Variants in DYRK1A observed in about 807,000 individuals in gnomAD.
The protein encoded by DYRK1A is dual specificity tyrosine phosphorylation regulated kinase 1A.
Under a neutral mutation model 79.7 loss-of-function variants are expected in DYRK1A, and 9 were observed. That is an observed-to-expected ratio of 0.11 (90% CI 0.07 to 0.20). The LOEUF is 0.20. DYRK1A is among the 10% of genes least tolerant of loss of function. DYRK1A has a pLI of 1.00. For missense variants in DYRK1A, 622 were observed against 956.0 expected, an observed-to-expected ratio of 0.65 and a Z score of 4.61; for synonymous variants, 349 against 329.7, an observed-to-expected ratio of 1.06 and a Z score of -0.63.
At chr21:37,506,398 C>T (rs1265027898) in intron 11 of DYRK1A, 175 bp downstream of exon 11, 2 of 1,517,608 alleles carry the variant, frequency 1.3e-6, no homozygotes, top group African/African-American at 1.4e-5. Flanking sequence ...AGTTTTCCTC[C>T]TCCTTGTCTA....
chr21:37,512,596 C>T lies in DYRK1A; in HGVS notation c.*65C>T. ...AGAAGTGGTGTTTTTTTTCCAAAAACAAAGTGCAAAGCTGCTTGAATCAGG... is the reference window on the plus strand; with the variant it reads ...AGAAGTGGTGTTTTTTTTCCAAAAATAAAGTGCAAAGCTGCTTGAATCAGG... On this transcript the variant is annotated 3_prime_UTR_variant, in exon 12 of 12. Coordinates refer to ENST00000647188, the MANE Select transcript of DYRK1A (RefSeq NM_001347721.2). The T allele has an allele frequency of 6.4e-7, 1 of 1,557,700 alleles. No individual in the cohort carries two copies. Among genetic ancestry groups the T allele is most frequent in the Non-Finnish European group, 8.7e-7 (1 of 1,147,568 alleles).
chr21:37,382,462 T>TAAG (rs1356764237), intron 1 of DYRK1A, among the ~76,000 whole-genome samples: 13 of 152,284 alleles, frequency 8.5e-5, no homozygotes, highest in African/African-American at 3.1e-4. Context: ...TTATTTATAA[T>TAAG]TTCTTGAACT....
At chr21:37,422,221 G>A (rs973607961) in intron 2 of DYRK1A, among the ~76,000 whole-genome samples, 4 of 152,148 alleles carry the variant, frequency 2.6e-5, no homozygotes, top group Admixed American at 2.0e-4. Flanking sequence ...CAGGAAAGAA[G>A]ATCTAGCTGT....
intron 2 of DYRK1A, chr21:37,464,137 T>A (rs1165577776): frequency 4.0e-6 from 1 of 248,044 alleles, no homozygotes; most frequent in Non-Finnish European, 8.1e-6. Flanking sequence ...TATTTTTACT[T>A]TTTTGTTTTT....
At chr21:37,454,392 C>A (rs2051565351) in intron 2 of DYRK1A, among the ~76,000 whole-genome samples, 1 of 152,138 alleles carries the variant, frequency 6.6e-6, no homozygotes, top group South Asian at 2.1e-4. Flanking sequence ...CGTACCTGAT[C>A]TCCATTACTT....
chr21:37,406,289 T>C (rs2050144661), intron 1 of DYRK1A, among the ~76,000 whole-genome samples: 1 of 152,310 alleles, frequency 6.6e-6, no homozygotes, highest in Admixed American at 6.5e-5. Flanking sequence ...CCATAGCTAT[T>C]CCAGTTAACT....
intron 1 of DYRK1A, among the ~76,000 whole-genome samples, chr21:37,391,777 C>T (rs976747202): frequency 6.6e-6 from 1 of 152,224 alleles, no homozygotes; most frequent in Non-Finnish European, 1.5e-5. Context: ...CTTCCCTCTA[C>T]TTCAGAGCTT....
chr21:37,411,790 C>A (rs374522369), intron 1 of DYRK1A, among the ~76,000 whole-genome samples: 2 of 152,208 alleles, frequency 1.3e-5, no homozygotes, highest in African/African-American at 4.8e-5. Flanking sequence ...CAGTTTCTCT[C>A]TTCTGAGATA....
rs116318329 is a variant in DYRK1A, at chr21:37,455,394, A to G, written c.11-17290A>G. Among the ~76,000 whole-genome samples, 430 of 152,312 alleles carry G rather than the reference A, an allele frequency of 2.8e-3. 2 individuals are homozygous for G. Among genetic ancestry groups the G allele is most frequent in the African/African-American group, 9.4e-3 (391 of 41,554 alleles). On this transcript the variant is annotated intron_variant, in intron 2 of 11. Coordinates refer to ENST00000647188, the MANE Select transcript of DYRK1A (RefSeq NM_001347721.2). ...ATGTTTAATAAGATGGAAACTGCTGATATAAATCAAGAAGCAGTCTTTAAA... is the reference window on the plus strand; with the variant it reads ...ATGTTTAATAAGATGGAAACTGCTGGTATAAATCAAGAAGCAGTCTTTAAA...
In DYRK1A at chr21:37,508,982, C is replaced by G. The variant is rs565501116; in HGVS notation, c.1644+2759C>G. Among the ~76,000 whole-genome samples, 340 of 152,292 alleles carry G rather than the reference C, an allele frequency of 2.2e-3. 3 individuals are homozygous for G. Among genetic ancestry groups the G allele is most frequent in the African/African-American group, 7.7e-3 (321 of 41,560 alleles). ...ACACATACAAGAGTAGCATAAGACA[C>G]CGCGTTCTTCCCACCTGGATTTCAC... On this transcript the variant is annotated intron_variant, in intron 11 of 11. Transcript: ENST00000647188.
At chr21:37,405,044 C>T (rs1207930843) in intron 1 of DYRK1A, among the ~76,000 whole-genome samples, 2 of 152,150 alleles carry the variant, frequency 1.3e-5, no homozygotes, top group African/African-American at 4.8e-5. Context: ...GATGAAAAAA[C>T]AAGCTGAGTG....
chr21:37,369,480 G>A (rs1465187731), intron 1 of DYRK1A, among the ~76,000 whole-genome samples: 1 of 152,188 alleles, frequency 6.6e-6, no homozygotes, highest in East Asian at 1.9e-4. Context: ...GTATAGCAGT[G>A]GTGTTTATGG....
intron 4 of DYRK1A, among the ~76,000 whole-genome samples, chr21:37,479,992 G>C (rs1203706870): frequency 6.6e-6 from 1 of 152,046 alleles, no homozygotes; most frequent in Admixed American, 6.6e-5. Context: ...CTTTGGGAGT[G>C]GGGGCTAAGA....
chr21:37,411,560 A>C (rs980507415), intron 1 of DYRK1A, among the ~76,000 whole-genome samples: 2 of 152,192 alleles, frequency 1.3e-5, no homozygotes, highest in African/African-American at 2.4e-5. Flanking sequence ...TGGAATTTGA[A>C]GTACAGGTGT....
At chr21:37,410,291 C>T (rs1052700765) in intron 1 of DYRK1A, among the ~76,000 whole-genome samples, 13 of 152,084 alleles carry the variant, frequency 8.5e-5, no homozygotes, top group African/African-American at 2.9e-4. Context: ...GTTTTGTAGG[C>T]TGTGTATAGG....
intron 1 of DYRK1A, among the ~76,000 whole-genome samples, chr21:37,412,666 C>T (rs1432381930): frequency 2.0e-5 from 3 of 152,134 alleles, no homozygotes; most frequent in East Asian, 3.9e-4. Flanking sequence ...AGGCATGAGG[C>T]ACTTCGAAAA....
intron 1 of DYRK1A, among the ~76,000 whole-genome samples, chr21:37,413,978 G>A (rs1465673642): frequency 6.6e-6 from 1 of 152,132 alleles, no homozygotes; most frequent in Non-Finnish European, 1.5e-5. Flanking sequence ...CTCAATAGGT[G>A]TTTGCTTAAA....
chr21:37,484,022 A>C (rs565343350), intron 5 of DYRK1A, among the ~76,000 whole-genome samples: 1 of 152,292 alleles, frequency 6.6e-6, no homozygotes, highest in South Asian at 2.1e-4. Flanking sequence ...CGGGCTACAC[A>C]GCAGGAGGTG....
At chr21:37,432,026 A>G (rs1649015297) in intron 2 of DYRK1A, among the ~76,000 whole-genome samples, 1 of 152,244 alleles carries the variant, frequency 6.6e-6, no homozygotes, top group Admixed American at 6.5e-5. Flanking sequence ...ATTTGCAAGA[A>G]TCTTTTTGTT....
Sources: gnomAD v4.1 joint callset for allele counts (sites outside exome capture counted in the v4.1 genomes callset) on GRCh38, gnomAD v4.1.1 for gene constraint, MANE v1.5 for transcripts, NCBI Gene and HGNC (gene_info 2026-07-23, HGNC 2026-07-21) for gene names.